FCHSD2: variants seen among roughly 807,000 people sequenced by gnomAD.
The protein encoded by FCHSD2 is FCH and double SH3 domains 2, also known as F-BAR and double SH3 domains protein 2.
A neutral mutation model predicts 108.1 loss-of-function variants in FCHSD2; 38 were observed. The observed-to-expected ratio is 0.35, with a 90% confidence interval of 0.27 to 0.46. The LOEUF is 0.46. FCHSD2 is among the 20% of genes least tolerant of loss of function. The pLI, the probability that FCHSD2 is intolerant of heterozygous loss-of-function variation, is 1.00. For missense variants in FCHSD2, 751 were observed against 897.8 expected (o/e 0.84, Z 2.09); for synonymous variants, 279 against 314.7 (o/e 0.89, Z 1.20).
intron 13 of FCHSD2, among the ~76,000 whole-genome samples, chr11:72,857,800 G>C (rs1453367427): frequency 6.6e-6 from 1 of 151,938 alleles, no homozygotes; most frequent in Non-Finnish European, 1.5e-5. Flanking sequence ...TTTTGAGTTG[G>C]TTTTGGGAGC....
intron 14 of FCHSD2, among the ~76,000 whole-genome samples, chr11:72,844,446 G>A (rs553178414): frequency 6.6e-6 from 1 of 152,238 alleles, no homozygotes; most frequent in East Asian, 1.9e-4. Context: ...ATCCATTTGC[G>A]TGCTACCGTA....
Position 72,901,407 on chromosome 11 carries a change from T to TAAC in FCHSD2, c.924+1135_924+1136insGTT, listed in dbSNP as rs1011720163. The stretch of plus-strand genomic sequence containing the variant: ...GTGAGACCCTGTCTCAAAAATAAAA[T>TAAC]AATAATAATAATAATAAATAAGTAA... On this transcript the variant is annotated intron_variant, in intron 10 of 19. Coordinates refer to ENST00000409418, the MANE Select transcript of FCHSD2 (RefSeq NM_014824.3). 2.6e-5 allele frequency among the ~76,000 whole-genome samples: 4 copies of TAAC among 151,304 alleles called. No individual in the cohort carries two copies. The South Asian group carries it at 8.3e-4, about 32-fold the overall frequency.
chr11:72,947,078 G>A (rs1471598006), intron 8 of FCHSD2, among the ~76,000 whole-genome samples: 1 of 152,216 alleles, frequency 6.6e-6, no homozygotes, highest in Non-Finnish European at 1.5e-5. Flanking sequence ...TCACATCACT[G>A]GGTCTGGGAG....
chr11:72,946,683 T>C (rs1466421584), intron 8 of FCHSD2, among the ~76,000 whole-genome samples: 1 of 152,204 alleles, frequency 6.6e-6, no homozygotes, highest in African/African-American at 2.4e-5. Context: ...AATACGATGG[T>C]ATAAACAGAG....
intron 8 of FCHSD2, among the ~76,000 whole-genome samples, chr11:72,925,537 A>G (rs564473242): frequency 2.4e-4 from 37 of 152,324 alleles, no homozygotes; most frequent in African/African-American, 8.7e-4. Flanking sequence ...AAAACAAACA[A>G]ACAAACAAAT....
chr11:73,126,156 A>C (rs1044025560), intron 2 of FCHSD2, among the ~76,000 whole-genome samples: 1 of 151,744 alleles, frequency 6.6e-6, no homozygotes, highest in Non-Finnish European at 1.5e-5. Context: ...GCTGGCCAAC[A>C]TGGTGAAATC....
At chr11:72,909,747 A>G (rs1312634477) in intron 9 of FCHSD2, among the ~76,000 whole-genome samples, 5 of 141,898 alleles carry the variant, frequency 3.5e-5, no homozygotes, top group Non-Finnish European at 7.5e-5. Flanking sequence ...GTAGGTGAGG[A>G]GTGCCTCTGC....
intron 8 of FCHSD2, among the ~76,000 whole-genome samples, chr11:72,962,091 G>A (rs1297384988): frequency 6.6e-6 from 1 of 152,204 alleles, no homozygotes; most frequent in African/African-American, 2.4e-5. Flanking sequence ...ACTGAAGACA[G>A]TAATAAGTTT....
chr11:72,915,831 A>AAAAAG (rs1474812130), intron 9 of FCHSD2, among the ~76,000 whole-genome samples: 16 of 152,296 alleles, frequency 1.1e-4, no homozygotes, highest in African/African-American at 3.8e-4. Context: ...AACAAAAAAC[A>AAAAAG]AAAAGAAAAG....
chr11:73,130,261 C>T (rs1860964986), intron 2 of FCHSD2, among the ~76,000 whole-genome samples: 1 of 151,326 alleles, frequency 6.6e-6, no homozygotes, highest in African/African-American at 2.4e-5. Context: ...ATACTTTTTT[C>T]TTAGAGATAG....
At chr11:72,900,228 CTCCCGCCCTTG>C in intron 10 of FCHSD2, 1 of 1,210,184 alleles carries the variant, frequency 8.3e-7, no homozygotes, top group Non-Finnish European at 1.2e-6. Context: ...CTTCCCATCC[CTCCCGCCCTTG>C]ACCCACACCC....
intron 8 of FCHSD2, among the ~76,000 whole-genome samples, chr11:72,944,799 G>A (rs1403722072): frequency 4.6e-5 from 7 of 151,990 alleles, no homozygotes; most frequent in East Asian, 1.9e-4. Context: ...TCCCATTCAC[G>A]ACTGCCTCAA....
chr11:73,005,504 T>G (rs1857720758), intron 4 of FCHSD2, among the ~76,000 whole-genome samples: 1 of 152,350 alleles, frequency 6.6e-6, no homozygotes, highest in South Asian at 2.1e-4. Context: ...CACCAGCCAT[T>G]CTTTAGTCTC....
intron 3 of FCHSD2, among the ~76,000 whole-genome samples, chr11:73,063,541 C>T (rs1859217090): frequency 6.6e-6 from 1 of 152,008 alleles, no homozygotes; most frequent in Non-Finnish European, 1.5e-5. Flanking sequence ...ATTCAGGAGA[C>T]CCATCTCATG....
chr11:72,912,314 T>C (rs1855780917), intron 9 of FCHSD2, among the ~76,000 whole-genome samples: 1 of 152,208 alleles, frequency 6.6e-6, no homozygotes, highest in South Asian at 2.1e-4. Flanking sequence ...TTGAGATATG[T>C]TCCCTCTATA....
intron 3 of FCHSD2, among the ~76,000 whole-genome samples, chr11:73,082,358 A>AAAAAAAAAAAAAAAAAAAAAG (rs1859713995): frequency 6.7e-6 from 1 of 149,380 alleles, no homozygotes; most frequent in Non-Finnish European, 1.5e-5. Flanking sequence ...AAAAAAAAAA[A>AAAAAAAAAAAAAAAAAAAAAG]AAAAGAAAAG....
chr11:72,921,131 A>T (rs778637753), intron 9 of FCHSD2, among the ~76,000 whole-genome samples: 8 of 152,222 alleles, frequency 5.3e-5, no homozygotes, highest in East Asian at 1.9e-4. Context: ...GCGTATTTTT[A>T]AAAAATGCAT....
At chr11:73,129,949 A>G (rs547715206) in intron 2 of FCHSD2, among the ~76,000 whole-genome samples, 1 of 133,950 alleles carries the variant, frequency 7.5e-6, no homozygotes, top group African/African-American at 2.9e-5. Context: ...ATCTCAGCTC[A>G]CTCACTGCAA....
At chr11:73,053,145 CTT>C (rs771262833) in intron 3 of FCHSD2, among the ~76,000 whole-genome samples, 10 of 102,926 alleles carry the variant, frequency 9.7e-5, no homozygotes, top group Admixed American at 1.0e-4. Context: ...TGCACCCAGC[CTT>C]TTTTTTTTTT....
Sources: gnomAD v4.1 joint callset for allele counts (sites outside exome capture counted in the v4.1 genomes callset) on GRCh38, gnomAD v4.1.1 for gene constraint, MANE v1.5 for transcripts, NCBI Gene and HGNC (gene_info 2026-07-23, HGNC 2026-07-21) for gene names.